Variants in PITPNB observed in about 807,000 individuals in gnomAD.
The protein encoded by PITPNB is phosphatidylinositol transfer protein beta, also known as phosphatidylinositol transfer protein beta isoform.
In PITPNB, 16 loss-of-function variants were observed where a neutral mutation model predicts 45.9. The ratio of observed to expected loss-of-function variants is 0.35; its 90% CI spans 0.24 to 0.53. The LOEUF (loss-of-function observed/expected upper bound fraction) is 0.53, where lower values mean the gene tolerates loss of function less well. Ranked by LOEUF, PITPNB falls within the 20% of genes least tolerant of loss-of-function variation. The pLI, the probability that PITPNB is intolerant of heterozygous loss-of-function variation, is 0.93. For missense variants in PITPNB, 188 were observed against 330.5 expected (o/e 0.57, Z 3.34); for synonymous variants, 112 against 108.9 (o/e 1.03, Z -0.18).
intron 7 of PITPNB, among the ~76,000 whole-genome samples, chr22:27,883,124 G>A (rs530600881): frequency 6.6e-6 from 1 of 152,294 alleles, no homozygotes; most frequent in East Asian, 1.9e-4. Context: ...AAAAACTGGG[G>A]TTTCAGGGGA....
At chr22:27,911,466 T>C (rs780899668) in intron 2 of PITPNB, among the ~76,000 whole-genome samples, 2 of 152,248 alleles carry the variant, frequency 1.3e-5, no homozygotes, top group African/African-American at 2.4e-5. Context: ...TTCACCTCTA[T>C]TATTTCTCAT....
At chr22:27,859,929 C>T (rs1449342399) in intron 9 of PITPNB, among the ~76,000 whole-genome samples, 2 of 152,164 alleles carry the variant, frequency 1.3e-5, no homozygotes, top group Non-Finnish European at 2.9e-5. Context: ...GTGCTTGTCT[C>T]CAAAGAAAGT....
At chr22:27,859,375 A>G (rs2146347701) in intron 9 of PITPNB, among the ~76,000 whole-genome samples, 1 of 152,356 alleles carries the variant, frequency 6.6e-6, no homozygotes, top group South Asian at 2.1e-4. Flanking sequence ...AAAATAGAAA[A>G]GTTATGATGA....
chr22:27,897,059 G>T, intron 5 of PITPNB, 71 bp downstream of exon 5: 1 of 1,103,626 alleles, frequency 9.1e-7, no homozygotes. Context: ...AAGAATGGTT[G>T]AAAATAATTA....
chr22:27,913,539 C>A (rs1935995370), intron 2 of PITPNB, among the ~76,000 whole-genome samples: 1 of 152,194 alleles, frequency 6.6e-6, no homozygotes, highest in Non-Finnish European at 1.5e-5. Context: ...ATGGCTATAA[C>A]TGCAGGACAT....
At chr22:27,869,877 T>A (rs1035959056) in intron 8 of PITPNB, among the ~76,000 whole-genome samples, 4 of 152,178 alleles carry the variant, frequency 2.6e-5, no homozygotes, top group African/African-American at 9.7e-5. Context: ...ATAACTTGTG[T>A]AGATTCCCAG....
At chr22:27,895,327 C>T (rs1935401486) in intron 6 of PITPNB, among the ~76,000 whole-genome samples, 1 of 152,154 alleles carries the variant, frequency 6.6e-6, no homozygotes, top group Admixed American at 6.5e-5. Flanking sequence ...CAGTGGCTCA[C>T]ACCTGTAATC....
intron 8 of PITPNB, among the ~76,000 whole-genome samples, chr22:27,864,600 A>C (rs2146354412): frequency 6.6e-6 from 1 of 152,304 alleles, no homozygotes; most frequent in Non-Finnish European, 1.5e-5. Context: ...GAAATACTTC[A>C]TAGGCCTTCC....
chr22:27,895,791 A>G (rs1935414620), intron 6 of PITPNB, among the ~76,000 whole-genome samples: 3 of 152,194 alleles, frequency 2.0e-5, no homozygotes, highest in South Asian at 4.1e-4. Flanking sequence ...CAGAAAACAG[A>G]AACTGCTGAG....
intron 5 of PITPNB, 63 bp from the exon 6 acceptor site, chr22:27,896,689 G>T: frequency 1.8e-6 from 2 of 1,098,274 alleles, no homozygotes; most frequent in Non-Finnish European, 2.8e-6. Flanking sequence ...GCCCACGTCT[G>T]AGGGAGCTTT....
intron 1 of PITPNB, among the ~76,000 whole-genome samples, chr22:27,918,670 G>A (rs1936161705): frequency 6.6e-6 from 1 of 152,218 alleles, no homozygotes; most frequent in Non-Finnish European, 1.5e-5. Context: ...CGAACTTCAA[G>A]GCGCCAGCGT....
At chr22:27,915,526 GA>G (rs1936051326) in intron 1 of PITPNB, among the ~76,000 whole-genome samples, 1 of 151,770 alleles carries the variant, frequency 6.6e-6, no homozygotes, top group South Asian at 2.1e-4. Context: ...ATCTATGTCT[GA>G]ATGTTCACAT....
chr22:27,919,031 G>T, intron 1 of PITPNB, 141 bp downstream of exon 1: 1 of 1,261,500 alleles, frequency 7.9e-7, no homozygotes, highest in Non-Finnish European at 1.2e-6. Context: ...CTTCGAAGGG[G>T]CCGGGGGAGG....
chr22:27,853,336 G>GTA lies in PITPNB; in HGVS notation c.*364_*365dup, dbSNP rs1934080391. 3 of 389,396 alleles carry GTA rather than the reference G, an allele frequency of 7.7e-6. No individual in the cohort carries two copies. Among genetic ancestry groups the GTA allele is most frequent in the African/African-American group, 2.1e-5 (1 of 48,578 alleles). The allele number at this position is 389,396 out of a possible 1,614,324, so 24.1% of individuals were successfully genotyped here. On this transcript the variant is annotated 3_prime_UTR_variant, in exon 12 of 12. Transcript: ENST00000335272. ...TGATAATTATTAAAATCTGTTCCAGGTATATATATTGAAAATATTTTCTTT... is the reference window on the plus strand; with the variant it reads ...TGATAATTATTAAAATCTGTTCCAGGTATATATATATTGAAAATATTTTCTTT...
Position 27,853,635 on chromosome 22 carries a change from G to C in PITPNB, c.*67C>G. The C allele has an allele frequency of 6.4e-7, 1 of 1,550,908 alleles. No homozygotes were observed. The highest frequency in any genetic ancestry group is 1.2e-5 in the South Asian group (1 of 84,048). ...TCTTCACTCATCACTGGCTGCGCTT[G>C]TTCCCCTCACTTGACCTTGATTACG... On this transcript the variant is annotated 3_prime_UTR_variant, in exon 12 of 12. Transcript: ENST00000335272.
At chr22:27,858,294 ACT>A in intron 10 of PITPNB, 91 bp downstream of exon 10, 1 of 995,710 alleles carries the variant, frequency 1.0e-6, no homozygotes, top group South Asian at 1.7e-5. Flanking sequence ...TTTTAACAAC[ACT>A]CTTCCTAATT....
intron 8 of PITPNB, 125 bp downstream of exon 8, chr22:27,873,613 C>T (rs938487376): frequency 1.5e-6 from 1 of 652,080 alleles, no homozygotes; most frequent in Non-Finnish European, 2.8e-6. Context: ...GTCCTTATCG[C>T]AAATAAAACT....
chr22:27,879,964 GA>G (rs1467650542), intron 7 of PITPNB, among the ~76,000 whole-genome samples: 1 of 152,034 alleles, frequency 6.6e-6, no homozygotes, highest in Admixed American at 6.5e-5. Flanking sequence ...GTTAAAATAT[GA>G]AAAAAATTAA....
chr22:27,860,440 C>T (rs1214924072), intron 8 of PITPNB, 199 bp from the exon 9 acceptor site: 2 of 472,020 alleles, frequency 4.2e-6, no homozygotes, highest in African/African-American at 1.9e-5. Context: ...CTTCCACAGA[C>T]CAAGTTACTT....
Sources: allele counts gnomAD v4.1 joint callset (sites outside exome capture counted in the v4.1 genomes callset), GRCh38; gene constraint gnomAD v4.1.1; transcripts MANE v1.5; gene names NCBI Gene and HGNC (gene_info 2026-07-23, HGNC 2026-07-21).